Variants in GTF2B observed in about 807,000 individuals in gnomAD.
The protein encoded by GTF2B is transcription initiation factor IIB.
Under a neutral mutation model 34.6 loss-of-function variants are expected in GTF2B, and 20 were observed. That is an observed-to-expected ratio of 0.58 (90% CI 0.41 to 0.84). GTF2B has a LOEUF of 0.84. Among genes scored for constraint, GTF2B ranks in the 40% least tolerant of loss-of-function variants. The pLI, the probability that GTF2B is intolerant of heterozygous loss-of-function variation, is 0.00. For missense variants in GTF2B, 237 were observed against 393.3 expected (o/e 0.60, Z 3.36); for synonymous variants, 142 against 132.4 (o/e 1.07, Z -0.50).
intron 6 of GTF2B, among the ~76,000 whole-genome samples, chr1:88,855,223 A>C (rs1673275257): frequency 6.6e-6 from 1 of 152,242 alleles, no homozygotes; most frequent in Non-Finnish European, 1.5e-5. Context: ...GGCTCCTTCA[A>C]ATAACTAATG....
intron 5 of GTF2B, among the ~76,000 whole-genome samples, chr1:88,859,350 C>T (rs544119562): frequency 2.0e-5 from 3 of 152,244 alleles, no homozygotes; most frequent in East Asian, 1.9e-4. Context: ...AGTGGGCTTA[C>T]GTGGACTAAA....
intron 2 of GTF2B, among the ~76,000 whole-genome samples, chr1:88,884,727 T>C (rs533874937): frequency 9.8e-5 from 15 of 152,376 alleles, no homozygotes; most frequent in African/African-American, 3.6e-4. Flanking sequence ...GTTAGAAATA[T>C]TCTGATGAGT....
At chr1:88,860,114 CT>C in intron 4 of GTF2B, 25 bp downstream of exon 4, 2 of 1,613,524 alleles carry the variant, frequency 1.2e-6, no homozygotes, top group Non-Finnish European at 1.7e-6. Context: ...GCCAGAATGG[CT>C]TAAAGGAGGT....
intron 1 of GTF2B, among the ~76,000 whole-genome samples, chr1:88,888,741 G>A (rs919450843): frequency 6.6e-6 from 1 of 152,188 alleles, no homozygotes; most frequent in African/African-American, 2.4e-5. Context: ...TGAAAAGTAT[G>A]AACTAACCAT....
chr1:88,876,722 C>T (rs982395821), intron 2 of GTF2B, among the ~76,000 whole-genome samples: 1 of 152,238 alleles, frequency 6.6e-6, no homozygotes. Context: ...AAATCTTATA[C>T]TAAAATTACA....
intron 2 of GTF2B, among the ~76,000 whole-genome samples, chr1:88,866,461 T>C (rs1196759746): frequency 1.3e-5 from 2 of 152,188 alleles, no homozygotes; most frequent in East Asian, 1.9e-4. Context: ...CAGGTTTGAG[T>C]ACAGTGGTGC....
chr1:88,872,952 T>C (rs1673732675), intron 2 of GTF2B, among the ~76,000 whole-genome samples: 1 of 152,192 alleles, frequency 6.6e-6, no homozygotes, highest in Non-Finnish European at 1.5e-5. Flanking sequence ...GGGCACAGTT[T>C]TCTGCTAAGT....
chr1:88,889,420 G>C (rs1281175257), intron 1 of GTF2B, among the ~76,000 whole-genome samples: 1 of 152,234 alleles, frequency 6.6e-6, no homozygotes, highest in Admixed American at 6.5e-5. Flanking sequence ...AAAACGATTC[G>C]AGACTACTCA....
intron 2 of GTF2B, among the ~76,000 whole-genome samples, chr1:88,886,230 C>T (rs1008973669): frequency 6.6e-6 from 1 of 152,182 alleles, no homozygotes; most frequent in Non-Finnish European, 1.5e-5. Flanking sequence ...CTTCTTGGAC[C>T]AAGTAAGTCA....
intron 2 of GTF2B, among the ~76,000 whole-genome samples, chr1:88,885,169 T>C (rs1237656469): frequency 6.6e-6 from 1 of 152,226 alleles, no homozygotes; most frequent in African/African-American, 2.4e-5. Flanking sequence ...CCAGGTATGG[T>C]GGCTTACACC....
At chr1:88,859,801 A>T (rs1673395119) in intron 5 of GTF2B, 81 bp downstream of exon 5, 1 of 1,294,896 alleles carries the variant, frequency 7.7e-7, no homozygotes, top group Non-Finnish European at 1.1e-6. Flanking sequence ...GCGCCACTGC[A>T]CTCTGGCCTG....
At chr1:88,888,491 T>C (rs1049798089) in intron 1 of GTF2B, among the ~76,000 whole-genome samples, 5 of 152,154 alleles carry the variant, frequency 3.3e-5, no homozygotes, top group African/African-American at 1.2e-4. Flanking sequence ...TAATAAATTA[T>C]GACAAATAAA....
In GTF2B at chr1:88,860,487, A is replaced by C. The variant is rs140072368; in HGVS notation, c.259-201T>G. ...GAAAATAGGAAGCTTAAAGTGTATA[A>C]ATAGAAATATGATACAAACACCTGA... is the stretch of plus-strand genomic sequence containing the variant. On this transcript the variant is annotated intron_variant, in intron 3 of 6. Transcript: ENST00000370500. Among the ~76,000 whole-genome samples the C allele has an allele frequency of 2.0e-4, 31 of 151,590 alleles. No individual in the cohort carries two copies. In the East Asian group the frequency reaches 5.6e-3, roughly 27 times the overall value.
chr1:88,885,478 T>C (rs1674045835), intron 2 of GTF2B, among the ~76,000 whole-genome samples: 1 of 150,176 alleles, frequency 6.7e-6, no homozygotes, highest in South Asian at 2.1e-4. Context: ...CCAGGCGCAG[T>C]GGCTCACGCC....
At position 88,861,036 on chromosome 1, in the gene GTF2B, T is replaced by G. The variant is rs144468923; in HGVS notation, c.259-750A>C. On this transcript the variant is annotated intron_variant, in intron 3 of 6. Transcript: ENST00000370500. ...TATACACCTGGAATATGCAAGAAAA[T>G]CACTAAAAAACAGCTGCTATAAATA... 3.7e-3 allele frequency among the ~76,000 whole-genome samples: 567 copies of G among 152,080 alleles called. 5 individuals carry two copies. The highest frequency in any genetic ancestry group is 0.013 in the African/African-American group (540 of 41,476).
chr1:88,864,026 C>T lies in GTF2B; in HGVS notation c.213G>A (p.Gln71=). The T allele has an allele frequency of 6.2e-7, 1 of 1,613,792 alleles. No individual in the cohort carries two copies. Among genetic ancestry groups the T allele is most frequent in the South Asian group, 1.1e-5 (1 of 91,080 alleles). Residue 71 remains glutamine (Q), a synonymous_variant, in exon 3 of 7, where the codon CAG becomes CAA. Coordinates refer to ENST00000370500, the MANE Select transcript of GTF2B (RefSeq NM_001514.6). ...AATCTCCATCACTCAGAAGAGGATT[C>T]TGAGAATCTCCAACTCGAGATGGAT... The part of the protein sequence containing the change: ...TKDPSRVGDS[Q]NPLLSDGDLS...
At chr1:88,873,828 C>A (rs1673754484) in intron 2 of GTF2B, among the ~76,000 whole-genome samples, 1 of 152,124 alleles carries the variant, frequency 6.6e-6, no homozygotes, top group African/African-American at 2.4e-5. Flanking sequence ...ACCCACTGGT[C>A]AGAACTTAAC....
chr1:88,859,573 G>A (rs548072442), intron 5 of GTF2B, among the ~76,000 whole-genome samples: 4 of 152,098 alleles, frequency 2.6e-5, no homozygotes, highest in African/African-American at 9.7e-5. Flanking sequence ...AGTGCCTCAC[G>A]CCTGTTAATT....
At position 88,889,835 on chromosome 1, in the gene GTF2B, G is replaced by C. The variant is rs534164122; in HGVS notation, c.17+1648C>G. Among the ~76,000 whole-genome samples the C allele has an allele frequency of 5.3e-5, 8 of 152,234 alleles. No homozygotes were observed. In the South Asian group the frequency reaches 1.5e-3, roughly 28 times the overall value. On this transcript the variant is annotated intron_variant, in intron 1 of 6. Coordinates refer to ENST00000370500, the MANE Select transcript of GTF2B (RefSeq NM_001514.6). ...GGAGTTCAGGACCAGCCTGGGCAATGTAACTAGGCCTTGTCTCCACAAAAA... is the reference window on the plus strand; with the variant it reads ...GGAGTTCAGGACCAGCCTGGGCAATCTAACTAGGCCTTGTCTCCACAAAAA...
Sources: gnomAD v4.1 joint callset for allele counts (sites outside exome capture counted in the v4.1 genomes callset) on GRCh38, gnomAD v4.1.1 for gene constraint, MANE v1.5 for transcripts, NCBI Gene and HGNC (gene_info 2026-07-23, HGNC 2026-07-21) for gene names.